CCDC178: variants seen among roughly 807,000 people sequenced by gnomAD.
CCDC178 encodes the protein coiled-coil domain containing 178.
In CCDC178, 126 loss-of-function variants were observed where a neutral mutation model predicts 117.4. The observed-to-expected ratio is 1.07, with a 90% CI of 0.93 to 1.24. CCDC178 has a LOEUF of 1.24. CCDC178 is among the 50% of genes most tolerant of loss of function. The probability of loss-of-function intolerance (pLI) is 0.00; values close to 1 mark genes in which losing one functional copy is unlikely to be tolerated. For synonymous variants in CCDC178, 283 were observed against 313.4 expected (o/e 0.90, Z 1.02); for missense variants, 1,030 against 986.9 (o/e 1.04, Z -0.59).
At chr18:33,203,277 C>T (rs1263437259) in intron 20 of CCDC178, among the ~76,000 whole-genome samples, 1 of 152,092 alleles carries the variant, frequency 6.6e-6, no homozygotes, top group African/African-American at 2.4e-5. Context: ...TTAGGTGCCA[C>T]ATATTTTGCA....
intron 11 of CCDC178, among the ~76,000 whole-genome samples, chr18:33,314,025 C>T (rs2062380463): frequency 6.7e-6 from 1 of 149,932 alleles, no homozygotes; most frequent in African/African-American, 2.5e-5. Flanking sequence ...ACGGTGAAAT[C>T]CCGTCTCTAC....
At chr18:33,377,862 A>G (rs1247462807) in intron 5 of CCDC178, among the ~76,000 whole-genome samples, 1 of 151,902 alleles carries the variant, frequency 6.6e-6, no homozygotes, top group Non-Finnish European at 1.5e-5. Context: ...CATGTAGTAT[A>G]AAGACAGGTA....
chr18:33,412,135 A>G, intron 2 of CCDC178, 25 bp from the exon 3 acceptor site: 1 of 886,736 alleles, frequency 1.1e-6, no homozygotes. Flanking sequence ...AAATATTTAA[A>G]TATCATGAAT....
At chr18:32,941,294 A>G (rs2054234815) in intron 22 of CCDC178, among the ~76,000 whole-genome samples, 1 of 151,998 alleles carries the variant, frequency 6.6e-6, no homozygotes, top group Non-Finnish European at 1.5e-5. Context: ...AATATACTTT[A>G]TTTTTTAAGT....
rs543466406 is a variant in CCDC178, at chr18:33,215,146, C to T, written c.2078+404G>A. Among the ~76,000 whole-genome samples the T allele has an allele frequency of 4.6e-5, 7 of 151,916 alleles. 1 individual carries two copies. In the South Asian group the frequency reaches 6.2e-4, roughly 14 times the overall value. ...AAATGATAAATTTGAATAAATTGCA[C>T]GAGGTTTCATAGAATATCTGAGTCT... On this transcript the variant is annotated intron_variant, in intron 19 of 22. Transcript: ENST00000383096.
intron 21 of CCDC178, among the ~76,000 whole-genome samples, chr18:33,040,745 C>T (rs902797591): frequency 2.6e-5 from 4 of 151,890 alleles, no homozygotes; most frequent in Admixed American, 2.6e-4. Flanking sequence ...AGGAGTTATC[C>T]AGCCAAATTG....
In CCDC178 at chr18:33,122,890, T is replaced by C. The variant is rs35311811; in HGVS notation, c.2239-29980A>G. Among the ~76,000 whole-genome samples, 1,317 of 152,202 alleles carry C rather than the reference T, an allele frequency of 8.7e-3. 7 individuals carry two copies. The highest frequency in any genetic ancestry group is 0.015 in the Non-Finnish European group (1,031 of 67,988). On this transcript the variant is annotated intron_variant, in intron 20 of 22. Coordinates refer to ENST00000383096, the MANE Select transcript of CCDC178 (RefSeq NM_001105528.4). ...AACAGTCCTTCAAACACTCTATCCA[T>C]AGTCTTAATCAAATTTCTCATAGGT... is the stretch of plus-strand genomic sequence containing the variant.
At chr18:33,219,454 G>T (rs566787596) in intron 18 of CCDC178, among the ~76,000 whole-genome samples, 1 of 152,010 alleles carries the variant, frequency 6.6e-6, no homozygotes, top group Non-Finnish European at 1.5e-5. Context: ...ATAAATCATG[G>T]TGCTATAAAG....
chr18:33,237,300 T>C (rs997738607), intron 15 of CCDC178, among the ~76,000 whole-genome samples: 1 of 151,994 alleles, frequency 6.6e-6, no homozygotes, highest in Non-Finnish European at 1.5e-5. Flanking sequence ...CACTTCCATC[T>C]AGGAAAGGAT....
At position 33,147,141 on chromosome 18, in the gene CCDC178, CTTTTTTTT is replaced by C. The variant is rs963180337; in HGVS notation, c.2239-54239_2239-54232del. Among the ~76,000 whole-genome samples, 7 of 117,372 alleles carry C rather than the reference CTTTTTTTT, an allele frequency of 6.0e-5. No individual in the cohort carries two copies. In the South Asian group the frequency reaches 9.0e-4, roughly 15 times the overall value. 77.0% of individuals were successfully genotyped at this position (117,372 alleles called of 152,430 possible). A position where few individuals can be genotyped will look rare whatever the true frequency, so the allele number is the denominator to read the frequency against. ...TTAGGCATTATCTGGTAGCTGATTTCTTTTTTTTTTTTTTTTTTTGTAAGGAACAGAAA... is the reference window on the plus strand; with the variant it reads ...TTAGGCATTATCTGGTAGCTGATTTCTTTTTTTTTTTGTAAGGAACAGAAA... On this transcript the variant is annotated intron_variant, in intron 20 of 22. Coordinates refer to ENST00000383096, the MANE Select transcript of CCDC178 (RefSeq NM_001105528.4).
chr18:33,005,423 C>T (rs967312395), intron 21 of CCDC178, among the ~76,000 whole-genome samples: 3 of 151,848 alleles, frequency 2.0e-5, no homozygotes, highest in African/African-American at 7.3e-5. Flanking sequence ...CAATAGAACT[C>T]ATGGAAATAG....
At position 33,257,212 on chromosome 18, in the gene CCDC178, A is replaced by C. The variant is rs567285454; in HGVS notation, c.1409+9704T>G. Among the ~76,000 whole-genome samples the C allele has an allele frequency of 7.9e-5, 12 of 152,174 alleles. No individual in the cohort carries two copies. In the South Asian group the frequency reaches 2.5e-3, roughly 32 times the overall value. On this transcript the variant is annotated intron_variant, in intron 14 of 22. Transcript: ENST00000383096. ...ATAATTTCTTGGTTAGGGCCTTCTA[A>C]AAACACTTTGATGATGTAAATTAAA...
chr18:33,057,078 C>T (rs1246184590), intron 21 of CCDC178, among the ~76,000 whole-genome samples: 1 of 150,940 alleles, frequency 6.6e-6, no homozygotes, highest in Non-Finnish European at 1.5e-5. Context: ...AGCAAGCAAG[C>T]AGAATAAAAG....
chr18:33,001,048 C>A (rs1380861730), intron 21 of CCDC178, among the ~76,000 whole-genome samples: 1 of 151,956 alleles, frequency 6.6e-6, no homozygotes, highest in South Asian at 2.1e-4. Flanking sequence ...TAAATAGAAA[C>A]AACAAAAAGT....
At chr18:33,338,588 C>T (rs1035953306) in intron 9 of CCDC178, among the ~76,000 whole-genome samples, 11 of 152,228 alleles carry the variant, frequency 7.2e-5, no homozygotes, top group Non-Finnish European at 1.3e-4. Flanking sequence ...AAAATAATGG[C>T]ATTCACAGCA....
intron 21 of CCDC178, among the ~76,000 whole-genome samples, chr18:33,074,943 T>G (rs1444833866): frequency 6.6e-6 from 1 of 152,190 alleles, no homozygotes; most frequent in East Asian, 1.9e-4. Context: ...TATATAATGA[T>G]GAAAATAATT....
chr18:33,204,461 T>C (rs1470677142), intron 20 of CCDC178, among the ~76,000 whole-genome samples: 1 of 152,172 alleles, frequency 6.6e-6, no homozygotes, highest in Non-Finnish European at 1.5e-5. Flanking sequence ...GTTAATGTGA[T>C]GTCCACTTAT....
intron 4 of CCDC178, 105 bp from the exon 5 acceptor site, chr18:33,389,734 T>A: frequency 2.3e-6 from 1 of 434,344 alleles, no homozygotes. Context: ...GTGCTCTCCT[T>A]AAAAGAAAAA....
At chr18:33,180,263 G>C (rs568022381) in intron 20 of CCDC178, among the ~76,000 whole-genome samples, 1 of 151,602 alleles carries the variant, frequency 6.6e-6, no homozygotes, top group Admixed American at 6.6e-5. Flanking sequence ...TTCTATTTAT[G>C]TATAACTAAG....
Sources: allele counts gnomAD v4.1 joint callset (sites outside exome capture counted in the v4.1 genomes callset), GRCh38; gene constraint gnomAD v4.1.1; transcripts MANE v1.5; gene names NCBI Gene and HGNC (gene_info 2026-07-23, HGNC 2026-07-21).